Variants in TRDN observed in about 807,000 individuals in gnomAD.
TRDN encodes triadin in skeletal muscle.
A neutral mutation model predicts 149.7 loss-of-function variants in TRDN; 161 were observed. The ratio of observed to expected loss-of-function variants is 1.08; its 90% CI spans 0.95 to 1.23. The LOEUF (loss-of-function observed/expected upper bound fraction) is 1.23, where lower values mean the gene tolerates loss of function less well. Among genes scored for constraint, TRDN ranks in the 50% most tolerant of loss-of-function variants. TRDN has a pLI of 0.00. For synonymous variants in TRDN, 294 were observed against 250.5 expected (o/e 1.17, Z -1.64); for missense variants, 896 against 823.5 (o/e 1.09, Z -1.08).
rs1349758418 is a variant in TRDN at position 123,288,223 on chromosome 6, T to C, written c.1511-9141A>G. 2.0e-5 allele frequency among the ~76,000 whole-genome samples: 3 copies of C among 152,126 alleles called. No individual in the cohort carries two copies. In the East Asian group the frequency reaches 5.8e-4, roughly 29 times the overall value. ...AAGAAATTGGGCTCTTATTTCACAG[T>C]GTATACATAAAATCAACTCAAAATT... On this transcript the variant is annotated intron_variant, in intron 24 of 40. Coordinates refer to ENST00000334268, the MANE Select transcript of TRDN (RefSeq NM_006073.4).
At chr6:123,399,346 TA>T (rs1772865814) in intron 12 of TRDN, among the ~76,000 whole-genome samples, 2 of 152,208 alleles carry the variant, frequency 1.3e-5, no homozygotes, top group Admixed American at 1.3e-4. Flanking sequence ...ACAAGTTTCT[TA>T]AGTAATCAAC....
chr6:123,236,104 C>T (rs1775777672), intron 38 of TRDN, among the ~76,000 whole-genome samples: 1 of 152,156 alleles, frequency 6.6e-6, no homozygotes, highest in Non-Finnish European at 1.5e-5. Context: ...AGTGCCAGTA[C>T]CATTTTGCCT....
intron 1 of TRDN, among the ~76,000 whole-genome samples, chr6:123,626,142 G>T (rs1267223763): frequency 2.0e-5 from 3 of 152,088 alleles, no homozygotes; most frequent in African/African-American, 4.8e-5. Context: ...ATTAAGAGTA[G>T]AGTAGCTTCC....
chr6:123,284,364 A>G (rs1464096009), intron 24 of TRDN, among the ~76,000 whole-genome samples: 6 of 151,866 alleles, frequency 4.0e-5, no homozygotes, highest in Admixed American at 2.6e-4. Context: ...TTTAACATAT[A>G]CAAGTCAATA....
intron 20 of TRDN, among the ~76,000 whole-genome samples, chr6:123,357,282 A>G (rs1295981965): frequency 1.3e-5 from 2 of 152,094 alleles, no homozygotes; most frequent in Non-Finnish European, 2.9e-5. Flanking sequence ...GACAAAAGAT[A>G]TGTCTTGATA....
At chr6:123,294,269 AT>A (rs1778113221) in intron 24 of TRDN, among the ~76,000 whole-genome samples, 1 of 152,132 alleles carries the variant, frequency 6.6e-6, no homozygotes, top group African/African-American at 2.4e-5. Context: ...GACCCCAGCT[AT>A]ATCTGGCCAA....
At chr6:123,502,838 T>C (rs899271402) in intron 8 of TRDN, 5 of 985,250 alleles carry the variant, frequency 5.1e-6, no homozygotes, top group Non-Finnish European at 6.0e-6. Flanking sequence ...GAATAGTCTC[T>C]ACATGTTAGA....
chr6:123,393,671 C>T lies in TRDN; in HGVS notation c.1058G>A (p.Gly353Glu), dbSNP rs1230466120. The T allele has an allele frequency of 6.2e-7, 1 of 1,605,754 alleles. No homozygotes were observed. The highest frequency in any genetic ancestry group is 1.7e-5 in the Admixed American group (1 of 59,116). The change falls in exon 13 of 41, where the codon GGA (glycine) becomes GAA (glutamate). Residue 353 changes from glycine (G) to glutamate (E), a missense_variant. Coordinates refer to ENST00000334268, the MANE Select transcript of TRDN (RefSeq NM_006073.4). ...CCCTTGTTTGGTTTCAGAAGCTTTT[C>T]CCGGCTCTTGGAATGAAAAAAACAT... ...TAIDVEKKEP[G>E]KASETKQGTV...
intron 1 of TRDN, among the ~76,000 whole-genome samples, chr6:123,587,452 T>C (rs549521978): frequency 6.6e-4 from 101 of 152,298 alleles, no homozygotes; most frequent in African/African-American, 2.3e-3. Context: ...AAGAAGAGTC[T>C]GCTTACCCGA....
intron 2 of TRDN, among the ~76,000 whole-genome samples, chr6:123,550,918 C>T (rs948760865): frequency 1.3e-5 from 2 of 151,644 alleles, no homozygotes; most frequent in Non-Finnish European, 2.9e-5. Flanking sequence ...AAACCTTAGA[C>T]AAAGGAAATG....
chr6:123,498,709 G>T, intron 8 of TRDN: 2 of 429,678 alleles, frequency 4.7e-6, no homozygotes, highest in Admixed American at 2.6e-5. Flanking sequence ...ACATGAGATT[G>T]TTTTCCTGAA....
At chr6:123,282,041 T>A (rs1280005645) in intron 24 of TRDN, among the ~76,000 whole-genome samples, 1 of 151,854 alleles carries the variant, frequency 6.6e-6, no homozygotes, top group Non-Finnish European at 1.5e-5. Context: ...ACTAGCGTTA[T>A]GATCAAAAGA....
intron 23 of TRDN, among the ~76,000 whole-genome samples, chr6:123,316,816 TA>T (rs1562259357): frequency 6.6e-6 from 1 of 151,806 alleles, no homozygotes; most frequent in African/African-American, 2.4e-5. Context: ...TATTGCAAAT[TA>T]AAAAATTAAT....
chr6:123,222,725 T>C (rs1316323155), intron 39 of TRDN, among the ~76,000 whole-genome samples: 2 of 151,690 alleles, frequency 1.3e-5, no homozygotes, highest in African/African-American at 4.8e-5. Flanking sequence ...AAATACTTTT[T>C]TTTTATATGC....
chr6:123,308,818 C>T (rs1778709983), intron 24 of TRDN, among the ~76,000 whole-genome samples: 2 of 151,966 alleles, frequency 1.3e-5, no homozygotes, highest in Admixed American at 6.6e-5. Context: ...GAATGATAGT[C>T]TGTTTAAAGC....
intron 38 of TRDN, among the ~76,000 whole-genome samples, chr6:123,246,773 C>G (rs899253664): frequency 6.9e-6 from 1 of 145,236 alleles, no homozygotes; most frequent in African/African-American, 2.5e-5. Context: ...ATACCAAAAT[C>G]TGGCAGAGAC....
chr6:123,468,683 A>C (rs1353020692), intron 9 of TRDN: 1 of 152,188 alleles, frequency 6.6e-6, no homozygotes, highest in Non-Finnish European at 1.5e-5. Flanking sequence ...AGTTTAATCT[A>C]TCTAGTTTCT....
chr6:123,406,908 C>T (rs1401027472), intron 12 of TRDN, among the ~76,000 whole-genome samples: 1 of 151,974 alleles, frequency 6.6e-6, no homozygotes, highest in Non-Finnish European at 1.5e-5. Context: ...GGTGGGTTGG[C>T]TGGTAGGGTA....
chr6:123,483,065 A>T (rs1007579888), intron 9 of TRDN, among the ~76,000 whole-genome samples: 4 of 121,132 alleles, frequency 3.3e-5, no homozygotes, highest in African/African-American at 6.4e-5. Context: ...TTGATTTCTC[A>T]TTTATTATTA....
Sources: allele counts gnomAD v4.1 joint callset (sites outside exome capture counted in the v4.1 genomes callset), GRCh38; gene constraint gnomAD v4.1.1; transcripts MANE v1.5; gene names NCBI Gene and HGNC (gene_info 2026-07-23, HGNC 2026-07-21).